RGS7: variants seen among roughly 807,000 people sequenced by gnomAD.
The protein encoded by RGS7 is regulator of G protein signaling 7.
RGS7 carries 27 observed loss-of-function variants against 81.1 expected under a neutral mutation model. That is an observed-to-expected ratio of 0.33 (90% CI 0.25 to 0.46). RGS7 has a LOEUF of 0.46. Ranked by LOEUF, RGS7 falls within the 20% of genes least tolerant of loss-of-function variation. The pLI is 1.00. For missense variants in RGS7, 396 were observed against 607.4 expected (o/e 0.65, Z 3.66); for synonymous variants, 208 against 207.7 (o/e 1.00, Z -0.01).
chr1:241,225,651 A>G (rs571401233), intron 2 of RGS7, among the ~76,000 whole-genome samples: 2 of 152,288 alleles, frequency 1.3e-5, no homozygotes, highest in South Asian at 2.1e-4. Flanking sequence ...AGTGACTATG[A>G]TATTTCCACC....
chr1:241,055,861 T>C lies in RGS7; in HGVS notation c.175+42805A>G, dbSNP rs76349573. Among the ~76,000 whole-genome samples, 813 of 152,312 alleles carry C rather than the reference T, an allele frequency of 5.3e-3. 9 individuals are homozygous for C. Among genetic ancestry groups the C allele is most frequent in the African/African-American group, 0.019 (778 of 41,560 alleles). ...CCAGCCACCAGTCATTTCCTTTGCATACAAAAAGACACTTGTCACTTTGGA... is the reference window on the plus strand; with the variant it reads ...CCAGCCACCAGTCATTTCCTTTGCACACAAAAAGACACTTGTCACTTTGGA... On this transcript the variant is annotated intron_variant, in intron 3 of 18. Coordinates refer to ENST00000440928, the MANE Select transcript of RGS7 (RefSeq NM_001364886.1).
chr1:241,248,720 T>C (rs2076682860), intron 2 of RGS7, among the ~76,000 whole-genome samples: 1 of 152,104 alleles, frequency 6.6e-6, no homozygotes, highest in Non-Finnish European at 1.5e-5. Context: ...ACAATCTACT[T>C]TGAGCACCAA....
intron 9 of RGS7, among the ~76,000 whole-genome samples, chr1:240,852,006 G>C (rs1660200838): frequency 6.6e-6 from 1 of 152,208 alleles, no homozygotes; most frequent in South Asian, 2.1e-4. Context: ...AAACTTAGTT[G>C]ATAAAACGAG....
chr1:241,264,607 T>C (rs943723108), intron 2 of RGS7, among the ~76,000 whole-genome samples: 1 of 152,212 alleles, frequency 6.6e-6, no homozygotes, highest in African/African-American at 2.4e-5. Context: ...GCTCAGGGCA[T>C]TCAATAACCT....
At chr1:241,333,559 C>G (rs1307642592) in intron 2 of RGS7, among the ~76,000 whole-genome samples, 1 of 152,140 alleles carries the variant, frequency 6.6e-6, no homozygotes. Context: ...ATGAGGACTG[C>G]TGTGAGGACT....
chr1:240,976,725 C>CTCTATCTATCTATCTA (rs3044718), intron 4 of RGS7, among the ~76,000 whole-genome samples: 11 of 148,162 alleles, frequency 7.4e-5, no homozygotes, highest in East Asian at 2.0e-4. Flanking sequence ...TCCTCAAAAT[C>CTCTATCTATCTATCTA]TCTATCTATC....
intron 2 of RGS7, among the ~76,000 whole-genome samples, chr1:241,229,376 G>A (rs1348778159): frequency 6.6e-6 from 1 of 152,174 alleles, no homozygotes; most frequent in Non-Finnish European, 1.5e-5. Context: ...CCTCTTCTCT[G>A]ACCTTTGAAT....
chr1:241,059,092 C>T (rs1278902618), intron 3 of RGS7, among the ~76,000 whole-genome samples: 1 of 152,200 alleles, frequency 6.6e-6, no homozygotes, highest in East Asian at 1.9e-4. Flanking sequence ...TTCCCTTGAA[C>T]TGGATAACAC....
chr1:241,306,301 A>G (rs1472630277), intron 2 of RGS7, among the ~76,000 whole-genome samples: 2 of 143,630 alleles, frequency 1.4e-5, no homozygotes, highest in African/African-American at 5.0e-5. Flanking sequence ...ATACCCTCAC[A>G]TGTACATATA....
rs183802020 is a variant in RGS7 at position 241,028,307 on chromosome 1, T to C, written c.176-45178A>G. On this transcript the variant is annotated intron_variant, in intron 3 of 18. Transcript: ENST00000440928. Reference sequence around the variant, plus strand: ...ACAAGAAATCTGCTTGTGAATTGAATTTACCTGACAGTGTCAACATTAAGT... The same window carrying C: ...ACAAGAAATCTGCTTGTGAATTGAACTTACCTGACAGTGTCAACATTAAGT... Among the ~76,000 whole-genome samples, 278 of 152,314 alleles carry C rather than the reference T, an allele frequency of 1.8e-3. 1 individual carries two copies. In the Middle Eastern group the frequency reaches 0.02, roughly 11 times the overall value.
At chr1:240,973,693 C>T (rs1475628544) in intron 4 of RGS7, among the ~76,000 whole-genome samples, 1 of 151,788 alleles carries the variant, frequency 6.6e-6, no homozygotes, top group Non-Finnish European at 1.5e-5. Flanking sequence ...GGGTTCACGC[C>T]ATTCTCCTGC....
At chr1:241,292,415 T>A (rs938522095) in intron 2 of RGS7, among the ~76,000 whole-genome samples, 4 of 152,156 alleles carry the variant, frequency 2.6e-5, no homozygotes, top group Non-Finnish European at 5.9e-5. Flanking sequence ...GGAAATAAAC[T>A]ACTCCCGGGA....
chr1:241,079,171 G>A (rs888620780), intron 3 of RGS7, among the ~76,000 whole-genome samples: 9 of 152,158 alleles, frequency 5.9e-5, no homozygotes, highest in Admixed American at 2.0e-4. Context: ...GTGCAGCACC[G>A]GATGCCAACA....
At chr1:241,290,145 G>A (rs1451524781) in intron 2 of RGS7, among the ~76,000 whole-genome samples, 1 of 152,140 alleles carries the variant, frequency 6.6e-6, no homozygotes, top group African/African-American at 2.4e-5. Flanking sequence ...TATATGTACA[G>A]GTGTTTGTAA....
intron 2 of RGS7, among the ~76,000 whole-genome samples, chr1:241,341,443 T>G (rs936388185): frequency 1.3e-5 from 2 of 152,222 alleles, no homozygotes; most frequent in Admixed American, 1.3e-4. Flanking sequence ...AAACATAATT[T>G]GTCATATTTA....
intron 2 of RGS7, among the ~76,000 whole-genome samples, chr1:241,184,865 T>C (rs1389227180): frequency 6.6e-6 from 1 of 152,146 alleles, no homozygotes; most frequent in Non-Finnish European, 1.5e-5. Flanking sequence ...AGAAATATAT[T>C]TGAAGAGCTA....
chr1:240,779,685 G>T (rs1454061234), intron 18 of RGS7, among the ~76,000 whole-genome samples: 1 of 152,172 alleles, frequency 6.6e-6, no homozygotes, highest in African/African-American at 2.4e-5. Flanking sequence ...GACTATAACG[G>T]ACTGAAATGC....
At position 241,253,189 on chromosome 1, in the gene RGS7, TATC is replaced by T. The variant is rs548647906; in HGVS notation, c.78+102507_78+102509del. 3.9e-5 allele frequency among the ~76,000 whole-genome samples: 6 copies of T among 152,322 alleles called. No individual in the cohort carries two copies. The South Asian group carries it at 1.2e-3, about 32-fold the overall frequency. On this transcript the variant is annotated intron_variant, in intron 2 of 18. Coordinates refer to ENST00000440928, the MANE Select transcript of RGS7 (RefSeq NM_001364886.1). ...TGTTGACAGATTGGATGAGAACCAT[TATC>T]ATTTCCCCAGATTATCGACATGTAG...
intron 2 of RGS7, among the ~76,000 whole-genome samples, chr1:241,297,646 T>G (rs1159250494): frequency 2.6e-5 from 4 of 151,552 alleles, no homozygotes; most frequent in South Asian, 2.1e-4. Context: ...TAACGAAGCT[T>G]GGGGTTGCCA....
Sources: gnomAD v4.1 joint callset for allele counts (sites outside exome capture counted in the v4.1 genomes callset) on GRCh38, gnomAD v4.1.1 for gene constraint, MANE v1.5 for transcripts, NCBI Gene and HGNC (gene_info 2026-07-23, HGNC 2026-07-21) for gene names.